The following LAMA2 variants were observed in gnomAD, a reference collection of about 807,000 sequenced individuals.
LAMA2 encodes the protein laminin subunit alpha 2, also known as laminin subunit alpha-2.
LAMA2 carries 269 observed loss-of-function variants against 364.8 expected under a neutral mutation model. The ratio of observed to expected loss-of-function variants is 0.74; its 90% CI spans 0.67 to 0.82. LAMA2 has a LOEUF of 0.82. Ranked by LOEUF, LAMA2 falls within the 40% of genes least tolerant of loss-of-function variation. The pLI is 0.00. For synonymous variants in LAMA2, 1,379 were observed against 1,370.6 expected, an observed-to-expected ratio of 1.01 and a Z score of -0.14; for missense variants, 3,807 against 3,873.2, an observed-to-expected ratio of 0.98 and a Z score of 0.45.
chr6:129,229,541 TC>T (rs1232619817), intron 12 of LAMA2, among the ~76,000 whole-genome samples: 1 of 152,168 alleles, frequency 6.6e-6, no homozygotes, highest in Non-Finnish European at 1.5e-5. Context: ...CATGTAATGA[TC>T]TGAGTTATGT....
At chr6:129,050,216 G>GGTAAA in intron 2 of LAMA2, 128 bp downstream of exon 2, 1 of 925,690 alleles carries the variant, frequency 1.1e-6, no homozygotes, top group Non-Finnish European at 1.7e-6. Context: ...TTACCATTAA[G>GGTAAA]AGCTTCTTCC....
chr6:129,174,739 C>T lies in LAMA2; in HGVS notation c.1307-2967C>T, dbSNP rs181139864. On this transcript the variant is annotated intron_variant, in intron 9 of 64. Coordinates refer to ENST00000421865, the MANE Select transcript of LAMA2 (RefSeq NM_000426.4). ...AGAATGACGTAAGCTTTCTAGAAGT[C>T]AATTTTGTAGTTTCTCATCTCCAAG... Among the ~76,000 whole-genome samples, 688 of 152,222 alleles carry T rather than the reference C, an allele frequency of 4.5e-3. 3 individuals carry two copies. Among genetic ancestry groups the T allele is most frequent in the South Asian group, 0.027 (131 of 4,832 alleles).
intron 9 of LAMA2, 74 bp downstream of exon 9, chr6:129,165,749 A>G: frequency 2.2e-6 from 2 of 907,070 alleles, no homozygotes. Flanking sequence ...TTTTCAGAAG[A>G]ATATTTTGCA....
At chr6:129,492,207 C>A in intron 57 of LAMA2, 108 bp from the exon 58 acceptor site, 1 of 1,426,696 alleles carries the variant, frequency 7.0e-7, no homozygotes, top group Non-Finnish European at 9.9e-7. Flanking sequence ...TCAACTTAGA[C>A]TGAGAAAAGC....
intron 29 of LAMA2, among the ~76,000 whole-genome samples, chr6:129,334,278 G>A (rs1413716548): frequency 1.3e-5 from 2 of 152,120 alleles, no homozygotes; most frequent in Non-Finnish European, 2.9e-5. Flanking sequence ...TTCAAATCCT[G>A]GCTTCACCCC....
At chr6:128,961,014 G>A (rs72983393) in intron 1 of LAMA2, among the ~76,000 whole-genome samples, 10,633 of 151,696 alleles carry the variant, frequency 0.07, 452 homozygotes, top group South Asian at 0.12. Flanking sequence ...TGTCACGAAA[G>A]CATGTTAACT....
intron 1 of LAMA2, among the ~76,000 whole-genome samples, chr6:128,950,632 G>C (rs1780755648): frequency 6.6e-6 from 1 of 152,046 alleles, no homozygotes. Flanking sequence ...CTTCTTAGCT[G>C]TTTGACCTCA....
At chr6:129,100,468 A>T (rs115510132) in intron 4 of LAMA2, among the ~76,000 whole-genome samples, 2,175 of 152,314 alleles carry the variant, frequency 0.014, 53 homozygotes, top group African/African-American at 0.05. Context: ...CTCCTAGGCT[A>T]TCTATTCATT....
At chr6:129,481,598 C>A (rs914207955) in intron 55 of LAMA2, among the ~76,000 whole-genome samples, 159 bp downstream of exon 55, 2 of 152,158 alleles carry the variant, frequency 1.3e-5, no homozygotes, top group Admixed American at 1.3e-4. Flanking sequence ...CTATTTCACT[C>A]ACATCATCTC....
At chr6:129,331,551 T>C (rs1406350250) in intron 29 of LAMA2, among the ~76,000 whole-genome samples, 3 of 152,106 alleles carry the variant, frequency 2.0e-5, no homozygotes, top group Non-Finnish European at 2.9e-5. Context: ...GAATTATTCT[T>C]GTTTCCAGAA....
intron 12 of LAMA2, among the ~76,000 whole-genome samples, chr6:129,211,800 C>A (rs1783116845): frequency 6.6e-6 from 1 of 152,200 alleles, no homozygotes; most frequent in Admixed American, 6.5e-5. Flanking sequence ...TACCACCCAG[C>A]AGGCAGAAAT....
Position 129,288,007 on chromosome 6 carries a change from C to T in LAMA2, c.2698C>T (p.Leu900Phe). ...AGGTACAACAGGCCGGTACTGTGAG[C>T]TCTGTGCTGATGGATATTTTGGAGA... ...KPGTTGRYCE[L>F]CADGYFGDAV... The change falls in exon 19 of 65, where the codon CTC becomes TTC. Residue 900 changes from leucine (L) to phenylalanine (F), a missense_variant. Leu to Phe is a conservative substitution (Grantham distance 22). Around this residue, in one of 3 missense-constraint regions of LAMA2, gnomAD observed 3,333 missense variants for 3,345.7 expected, o/e 1.00. Transcript: ENST00000421865. The T allele has an allele frequency of 6.2e-7, 1 of 1,614,094 alleles. No individual in the cohort carries two copies. Among genetic ancestry groups the T allele is most frequent in the Non-Finnish European group, 8.5e-7 (1 of 1,179,964 alleles).
chr6:129,302,080 G>T (rs1426167629), intron 22 of LAMA2, among the ~76,000 whole-genome samples: 1 of 152,078 alleles, frequency 6.6e-6, no homozygotes, highest in African/African-American at 2.4e-5. Context: ...GTCATTTCTA[G>T]TTTGGGGTTA....
At chr6:129,270,802 T>C (rs1426726652) in intron 17 of LAMA2, 51 bp downstream of exon 17, 1 of 1,582,462 alleles carries the variant, frequency 6.3e-7, no homozygotes, top group East Asian at 2.2e-5. Context: ...TTTCTGCAAG[T>C]ACACTTTTCA....
At chr6:129,223,273 C>T (rs1307831708) in intron 12 of LAMA2, among the ~76,000 whole-genome samples, 1 of 152,000 alleles carries the variant, frequency 6.6e-6, no homozygotes, top group Non-Finnish European at 1.5e-5. Flanking sequence ...TTGCAAAAAT[C>T]TTCTCCCATT....
intron 14 of LAMA2, among the ~76,000 whole-genome samples, chr6:129,252,606 T>C (rs1006267845): frequency 6.6e-6 from 1 of 152,216 alleles, no homozygotes; most frequent in African/African-American, 2.4e-5. Context: ...TGATGGCTCA[T>C]AGCGTGGGAA....
At chr6:129,483,284 A>G (rs1194226163) in intron 55 of LAMA2, among the ~76,000 whole-genome samples, 3 of 151,958 alleles carry the variant, frequency 2.0e-5, no homozygotes, top group East Asian at 3.8e-4. Flanking sequence ...AACATTTGCT[A>G]TAAAATCAAG....
At chr6:129,444,873 C>A (rs181368252) in intron 44 of LAMA2, among the ~76,000 whole-genome samples, 195 of 152,374 alleles carry the variant, frequency 1.3e-3, no homozygotes, top group African/African-American at 4.4e-3. Flanking sequence ...AGACTGCCAG[C>A]ATCCCAGCAA....
At chr6:129,437,752 T>C (rs1298628979) in intron 41 of LAMA2, among the ~76,000 whole-genome samples, 1 of 152,064 alleles carries the variant, frequency 6.6e-6, no homozygotes, top group Non-Finnish European at 1.5e-5. Flanking sequence ...ATGAACTCCA[T>C]TTCAGTCTTA....
Sources: gnomAD v4.1 joint callset for allele counts (sites outside exome capture counted in the v4.1 genomes callset) on GRCh38, gnomAD v4.1.1 for gene constraint, gnomAD v4.1.1 regional missense constraint, MANE v1.5 for transcripts, NCBI Gene and HGNC (gene_info 2026-07-23, HGNC 2026-07-21) for gene names.